Variants in RSPH3 observed in about 807,000 individuals in gnomAD.
RSPH3 encodes the protein radial spoke head protein 3 homolog.
RSPH3 carries 21 observed loss-of-function variants against 43.8 expected under a neutral mutation model. The observed-to-expected ratio is 0.48, with a 90% CI of 0.34 to 0.69. The LOEUF (loss-of-function observed/expected upper bound fraction) is 0.69, where lower values mean the gene tolerates loss of function less well. RSPH3 is among the 30% of genes least tolerant of loss of function. The probability of loss-of-function intolerance (pLI) is 0.01; values close to 1 mark genes in which losing one functional copy is unlikely to be tolerated. For synonymous variants in RSPH3, 173 were observed against 179.8 expected, an observed-to-expected ratio of 0.96 and a Z score of 0.30; for missense variants, 487 against 516.0, an observed-to-expected ratio of 0.94 and a Z score of 0.54.
In RSPH3 at chr6:158,998,505, TG is replaced by T. The variant is rs1283189961; in HGVS notation, c.116+929del. 8.6e-5 allele frequency among the ~76,000 whole-genome samples: 13 copies of T among 150,434 alleles called. 1 individual carries two copies. The highest frequency in any genetic ancestry group is 1.6e-4 in the Non-Finnish European group (11 of 67,574). On this transcript the variant is annotated intron_variant, in intron 1 of 7. Transcript: ENST00000367069. The stretch of plus-strand genomic sequence containing the variant: ...AAGAAAAAAAAAAAGGCTTATGTTT[TG>T]TTTTTTTTCTTTCCTATGTATGTTT...
At chr6:158,964,062 C>A in the RSPH3 span, among the ~76,000 whole-genome samples, 2 of 152,138 alleles carry the variant, frequency 1.3e-5, no homozygotes, top group African/African-American at 2.4e-5. Flanking sequence ...CCTATTCAAA[C>A]AATGAGGGAG....
At chr6:158,982,395 G>A (rs1012495303) in intron 5 of RSPH3, 90 bp downstream of exon 5, 4 of 801,846 alleles carry the variant, frequency 5.0e-6, no homozygotes, top group Middle Eastern at 3.7e-4. Flanking sequence ...AAGATCTTTA[G>A]TTTTATGATA....
intron 3 of RSPH3, among the ~76,000 whole-genome samples, chr6:158,984,941 C>T (rs116570823): frequency 6.6e-6 from 1 of 152,118 alleles, no homozygotes; most frequent in South Asian, 2.1e-4. Context: ...CTAGACTTGG[C>T]CTAAAGGCAG....
chr6:158,966,917 T>C, the RSPH3 span, among the ~76,000 whole-genome samples: 484 of 152,274 alleles, frequency 3.2e-3, 2 homozygotes, highest in African/African-American at 0.011. Flanking sequence ...AGGTTATTGA[T>C]TTAGGATGTT....
At chr6:158,984,497 A>T (rs958383411) in intron 3 of RSPH3, among the ~76,000 whole-genome samples, 2 of 137,252 alleles carry the variant, frequency 1.5e-5, no homozygotes, top group African/African-American at 5.6e-5. Context: ...GATAGTAAAC[A>T]TATACAGATT....
chr6:158,988,533 G>A lies in RSPH3; in HGVS notation c.205-2112C>T, dbSNP rs1295961150. On this transcript the variant is annotated intron_variant, in intron 2 of 7. Coordinates refer to ENST00000367069, the MANE Select transcript of RSPH3 (RefSeq NM_031924.8). ...AAGTAATTCTTAGCTTTGATCCTTT[G>A]GGGGTAATTTTCTATATCTTATAAG... is the stretch of plus-strand genomic sequence containing the variant. Among the ~76,000 whole-genome samples, 4 of 152,064 alleles carry A rather than the reference G, an allele frequency of 2.6e-5. No individual in the cohort carries two copies. The South Asian group carries it at 6.2e-4, about 24-fold the overall frequency.
At chr6:158,993,265 G>A (rs549259300) in intron 2 of RSPH3, among the ~76,000 whole-genome samples, 1 of 152,020 alleles carries the variant, frequency 6.6e-6, no homozygotes, top group East Asian at 1.9e-4. Flanking sequence ...CTACAGGCGA[G>A]CGCCACCACA....
Position 158,989,597 on chromosome 6 carries a change from G to C in RSPH3, c.205-3176C>G, listed in dbSNP as rs1583718082. ...GTGTTTCCTTTGGTTGAGTTATACA[G>C]CAGAGTGTCCAGGGCTGGAGATGGT... is the stretch of plus-strand genomic sequence containing the variant. On this transcript the variant is annotated intron_variant, in intron 2 of 7. Coordinates refer to ENST00000367069, the MANE Select transcript of RSPH3 (RefSeq NM_031924.8). This position sits in a 1 kb window ranked among gnomAD's most constrained non-coding sequence, Gnocchi z 4.3. Among the ~76,000 whole-genome samples, 3 of 152,280 alleles carry C rather than the reference G, an allele frequency of 2.0e-5. No homozygotes were observed. The South Asian group carries it at 6.2e-4, about 32-fold the overall frequency.
intron 2 of RSPH3, among the ~76,000 whole-genome samples, chr6:158,986,811 T>C (rs542806328): frequency 6.6e-6 from 1 of 152,260 alleles, no homozygotes; most frequent in Non-Finnish European, 1.5e-5. Context: ...TACTTCATTG[T>C]GGTCAGCAAA....
At chr6:158,983,275 A>T (rs1778098629) in intron 4 of RSPH3, among the ~76,000 whole-genome samples, 1 of 152,152 alleles carries the variant, frequency 6.6e-6, no homozygotes, top group South Asian at 2.1e-4. Flanking sequence ...TTTAAATGAG[A>T]GAATATCTTT....
At chr6:158,996,440 G>A (rs555669204) in intron 1 of RSPH3, among the ~76,000 whole-genome samples, 133 of 152,316 alleles carry the variant, frequency 8.7e-4, no homozygotes, top group Middle Eastern at 6.8e-3. Flanking sequence ...CATTAGACTT[G>A]TGTTAAATTT....
chr6:158,997,567 A>G (rs960018901), intron 1 of RSPH3, among the ~76,000 whole-genome samples: 8 of 152,186 alleles, frequency 5.3e-5, no homozygotes, highest in Non-Finnish European at 7.4e-5. Context: ...TATGATTTGT[A>G]AGATAATACT....
rs1041610383 is a variant in RSPH3 at position 158,975,799 on chromosome 6, G to A, written c.*1739C>T. The A allele has an allele frequency of 6.6e-6, 1 of 152,136 alleles. No individual in the cohort carries two copies. Among genetic ancestry groups the A allele is most frequent in the Non-Finnish European group, 1.5e-5 (1 of 68,030 alleles). The allele number at this position is 152,136 out of a possible 1,614,324, so 9.4% of individuals were successfully genotyped here. ...TTTTTTAAATGTGGATACATTCTTGGTACCTAACTTAAAAGAAATTAAGGT... is the reference window on the plus strand; with the variant it reads ...TTTTTTAAATGTGGATACATTCTTGATACCTAACTTAAAAGAAATTAAGGT... On this transcript the variant is annotated 3_prime_UTR_variant, in exon 8 of 8. Coordinates refer to ENST00000367069, the MANE Select transcript of RSPH3 (RefSeq NM_031924.8).
intron 1 of RSPH3, among the ~76,000 whole-genome samples, 166 bp downstream of exon 1, chr6:158,999,269 C>T (rs1390116488): frequency 0.018 from 2,699 of 152,364 alleles, 34 homozygotes; most frequent in Middle Eastern, 0.024. Flanking sequence ...TCCTGCTTCA[C>T]TCCTCCACAC....
chr6:158,980,719 C>A, intron 6 of RSPH3, 55 bp downstream of exon 6: 1 of 1,359,876 alleles, frequency 7.4e-7, no homozygotes, highest in Non-Finnish European at 1.0e-6. Context: ...TAAATTTGAA[C>A]CATTAAGAGG....
chr6:158,969,039 CAGA>C (rs1374103005), downstream of RSPH3, among the ~76,000 whole-genome samples: 2 of 152,122 alleles, frequency 1.3e-5, no homozygotes, highest in African/African-American at 4.8e-5. Flanking sequence ...TTTTAAATGA[CAGA>C]AGAATTACAA....
At chr6:158,968,766 CA>C (rs200348433), downstream of RSPH3, among the ~76,000 whole-genome samples, 525 of 152,024 alleles carry the variant, frequency 3.5e-3, 3 homozygotes, top group African/African-American at 0.012. Flanking sequence ...GGCTGGAGTG[CA>C]GTGGTGTGAT....
At position 158,977,774 on chromosome 6, in the gene RSPH3, G is replaced by A. The variant is rs1466955882; in HGVS notation, c.1021C>T (p.Pro341Ser). ...HGEDTHQSPEPEDEPGGPGAM... is the reference protein window; with the variant it reads ...HGEDTHQSPESEDEPGGPGAM... ...CCAGGACCACCAGGCTCATCCTCGG[G>A]TTCTGGAGACTGATGTGTGTCTTCC... The change falls in exon 8 of 8, where the codon CCC becomes TCC. Residue 341 changes from proline (P) to serine (S), a missense_variant. By Grantham distance (74) the Pro-to-Ser change is moderately conservative (BLOSUM62 -1). Coordinates refer to ENST00000367069, the MANE Select transcript of RSPH3 (RefSeq NM_031924.8). 6.2e-7 allele frequency: 1 copy of A among 1,614,036 alleles called. No homozygotes were observed. The highest frequency in any genetic ancestry group is 8.5e-7 in the Non-Finnish European group (1 of 1,180,010).
Position 158,993,895 on chromosome 6 carries a change from T to C in RSPH3, c.148A>G (p.Met50Val), listed in dbSNP as rs752389074. The C allele has an allele frequency of 1.2e-6, 2 of 1,611,762 alleles. No homozygotes were observed. The highest frequency in any genetic ancestry group is 1.7e-6 in the Non-Finnish European group (2 of 1,177,998). ...CCTCGAATTACCCTTCTGTCATACA[T>C]TATGTTTCCATAATGCATAGGTTCT... is the stretch of plus-strand genomic sequence containing the variant. ...DEEPMHYGNI[M>V]YDRRVIRGNT... The change falls in exon 2 of 8, where the codon ATG (methionine) becomes GTG (valine). Residue 50 changes from methionine to valine, a missense_variant. By Grantham distance (21) the Met-to-Val change is conservative (BLOSUM62 1). Transcript: ENST00000367069.
Sources: gnomAD v4.1 joint callset for allele counts (sites outside exome capture counted in the v4.1 genomes callset) on GRCh38, gnomAD v4.1.1 for gene constraint, Gnocchi (gnomAD v3.1) non-coding constraint, MANE v1.5 for transcripts, NCBI Gene and HGNC (gene_info 2026-07-23, HGNC 2026-07-21) for gene names.